Variants in TMLHE observed in about 807,000 individuals in gnomAD.
TMLHE encodes trimethyllysine dioxygenase, mitochondrial.
In TMLHE, 18 loss-of-function variants were observed where a neutral mutation model predicts 25.7. The ratio of observed to expected loss-of-function variants is 0.70; its 90% CI spans 0.48 to 1.04. The LOEUF is 1.04. Ranked by LOEUF, TMLHE falls within the 50% of genes least tolerant of loss-of-function variation. The pLI, the probability that TMLHE is intolerant of heterozygous loss-of-function variation, is 0.00. For synonymous variants in TMLHE, 105 were observed against 97.0 expected (o/e 1.08, Z -0.49); for missense variants, 236 against 259.0 (o/e 0.91, Z 0.61).
intron 2 of TMLHE, among the ~76,000 whole-genome samples, chrX:155,535,544 T>C (rs1423686203): frequency 8.9e-6 from 1 of 112,365 alleles, no homozygotes; most frequent in Non-Finnish European, 1.9e-5. Context: ...CATTGGGAGT[T>C]AGGCTTCAAC....
chrX:155,593,616 TGACA>T (rs1396411578), intron 1 of TMLHE, among the ~76,000 whole-genome samples: 1 of 112,118 alleles, frequency 8.9e-6, no homozygotes, highest in African/African-American at 3.2e-5. Context: ...ATATAATGAC[TGACA>T]AAGAATTCAG....
At chrX:155,580,850 G>A (rs1171530907) in intron 1 of TMLHE, among the ~76,000 whole-genome samples, 1 of 111,534 alleles carries the variant, frequency 9.0e-6, no homozygotes, top group Non-Finnish European at 1.9e-5. Flanking sequence ...TGATACCAAA[G>A]CCTGGCAGAG....
chrX:155,549,938 T>C (rs2124427185), intron 1 of TMLHE, among the ~76,000 whole-genome samples: 1 of 109,628 alleles, frequency 9.1e-6, no homozygotes, highest in South Asian at 4.0e-4. Flanking sequence ...TATGTTCTCA[T>C]TGTTCAACTC....
In TMLHE at chrX:155,531,479, G is replaced by A. The variant is rs1472203296; in HGVS notation, c.182-6847C>T. On this transcript the variant is annotated intron_variant, in intron 2 of 7. Coordinates refer to ENST00000334398, the MANE Select transcript of TMLHE (RefSeq NM_018196.4). Reference sequence around the variant, plus strand: ...CTGGATCTTGTCTGAATTCATTACTGAGGGGCAGGCACCAAGCCATTCATG... The same window carrying A: ...CTGGATCTTGTCTGAATTCATTACTAAGGGGCAGGCACCAAGCCATTCATG... Among the ~76,000 whole-genome samples, 3 of 110,800 alleles carry A rather than the reference G, an allele frequency of 2.7e-5. No individual in the cohort carries two copies. In the Admixed American group the frequency reaches 2.9e-4, roughly 11 times the overall value.
intron 7 of TMLHE, 109 bp from the exon 8 acceptor site, chrX:155,491,775 G>A (rs2075361616): frequency 6.2e-6 from 1 of 160,283 alleles, no homozygotes; most frequent in Non-Finnish European, 1.1e-5. Context: ...ATAACCTTTA[G>A]GTTGTTTTCT....
intron 2 of TMLHE, among the ~76,000 whole-genome samples, chrX:155,529,693 G>A (rs2067238875): frequency 8.9e-6 from 1 of 111,820 alleles, no homozygotes; most frequent in Non-Finnish European, 1.9e-5. Flanking sequence ...TTTTAATTGG[G>A]TTATATGTTT....
chrX:155,516,145 C>A (rs1197697191), intron 3 of TMLHE, among the ~76,000 whole-genome samples: 1 of 46,290 alleles, frequency 2.2e-5, no homozygotes, highest in Admixed American at 2.8e-4. Context: ...TTAGGTATAT[C>A]TCCCAATGCT....
rs2067524193 is a variant in TMLHE, at chrX:155,568,665, T to C, written c.-1-23388A>G. On this transcript the variant is annotated intron_variant, in intron 1 of 7. Transcript: ENST00000334398. ...CCAGAGGAACGATCAGACAGCAGCA[T>C]TCGCGGTTCATGAAAATCCGCTGTT... 3.2e-5 allele frequency among the ~76,000 whole-genome samples: 2 copies of C among 61,665 alleles called. 1 individual carries two copies. The highest frequency in any genetic ancestry group is 9.1e-5 in the Non-Finnish European group (2 of 22,086). 53.5% of individuals were successfully genotyped at this position (61,665 alleles called of 115,157 possible).
In TMLHE at chrX:155,571,316, A is replaced by G. The variant is rs1363119202; in HGVS notation, c.-1-26039T>C. Among the ~76,000 whole-genome samples the G allele has an allele frequency of 3.6e-5, 2 of 55,685 alleles. 1 individual carries two copies. The highest frequency in any genetic ancestry group is 9.2e-5 in the Non-Finnish European group (2 of 21,640). The allele number at this position is 55,685 out of a possible 115,157, so 48.4% of individuals were successfully genotyped here. On this transcript the variant is annotated intron_variant, in intron 1 of 7. Transcript: ENST00000334398. The stretch of plus-strand genomic sequence containing the variant: ...TTGAATCTCTGAATAGACCAATAAC[A>G]GGCTCTGAAATTGTGGCAATAATCA...
intron 1 of TMLHE, among the ~76,000 whole-genome samples, chrX:155,570,677 G>C (rs1433875125): frequency 3.5e-5 from 2 of 57,259 alleles, no homozygotes; most frequent in Non-Finnish European, 9.1e-5. Context: ...TCAGGATTAA[G>C]AAACTCACTC....
At chrX:155,576,000 C>T (rs1422838556) in intron 1 of TMLHE, among the ~76,000 whole-genome samples, 1 of 111,611 alleles carries the variant, frequency 9.0e-6, no homozygotes, top group Non-Finnish European at 1.9e-5. Flanking sequence ...TTGGCCAGAG[C>T]AGTCAGGCAA....
At chrX:155,550,902 A>C in intron 1 of TMLHE, among the ~76,000 whole-genome samples, 1 of 111,207 alleles carries the variant, frequency 9.0e-6, no homozygotes, top group East Asian at 2.8e-4. Flanking sequence ...CAGCCTGGCT[A>C]TCTTGACAAC....
chrX:155,603,052 G>A (rs2067764962), intron 1 of TMLHE, among the ~76,000 whole-genome samples: 1 of 111,987 alleles, frequency 8.9e-6, no homozygotes, highest in African/African-American at 3.2e-5. Context: ...GCAGAGGCTG[G>A]GCATGATGGT....
At chrX:155,523,001 C>T (rs1557335960) in intron 3 of TMLHE, among the ~76,000 whole-genome samples, 1 of 110,450 alleles carries the variant, frequency 9.1e-6, no homozygotes, top group African/African-American at 3.3e-5. Context: ...TTCTCTGCAT[C>T]TTCTCTAGTA....
intron 1 of TMLHE, among the ~76,000 whole-genome samples, chrX:155,608,278 C>T (rs957638371): frequency 9.0e-5 from 10 of 111,557 alleles, no homozygotes; most frequent in South Asian, 7.3e-4. Context: ...TGATCTTTGA[C>T]GCTGATGAAA....
At chrX:155,548,413 G>C (rs1569562055) in intron 1 of TMLHE, among the ~76,000 whole-genome samples, 3 of 111,582 alleles carry the variant, frequency 2.7e-5, no homozygotes, top group East Asian at 5.6e-4. Context: ...TCACACAACT[G>C]ACAAAGTATT....
At chrX:155,571,861 A>G (rs1246925632) in intron 1 of TMLHE, among the ~76,000 whole-genome samples, 3 of 53,798 alleles carry the variant, frequency 5.6e-5, no homozygotes, top group African/African-American at 1.3e-4. Flanking sequence ...ATCTATGACA[A>G]ACTCACAGCC....
intron 1 of TMLHE, among the ~76,000 whole-genome samples, chrX:155,565,605 G>A (rs782549660): frequency 1.6e-5 from 1 of 61,746 alleles, no homozygotes; most frequent in East Asian, 7.3e-4. Flanking sequence ...GGCAGTGAAA[G>A]TTCAGTTCCT....
intron 6 of TMLHE, among the ~76,000 whole-genome samples, chrX:155,505,090 G>C (rs1275276933): frequency 9.0e-6 from 1 of 111,551 alleles, no homozygotes; most frequent in Non-Finnish European, 1.9e-5. Flanking sequence ...GTATTAGGGA[G>C]ATATGTACTG....
Sources: allele counts gnomAD v4.1 joint callset (sites outside exome capture counted in the v4.1 genomes callset), GRCh38; gene constraint gnomAD v4.1.1; transcripts MANE v1.5; gene names NCBI Gene and HGNC (gene_info 2026-07-23, HGNC 2026-07-21).